Variants in SUCLG2 observed in about 807,000 individuals in gnomAD.
The protein encoded by SUCLG2 is succinate--CoA ligase [GDP-forming] subunit beta, mitochondrial.
Under a neutral mutation model 47.9 loss-of-function variants are expected in SUCLG2, and 42 were observed. That is an observed-to-expected ratio of 0.88 (90% CI 0.69 to 1.14). The LOEUF (loss-of-function observed/expected upper bound fraction) is 1.14, where lower values mean the gene tolerates loss of function less well. Ranked by LOEUF, SUCLG2 falls within the 50% of genes most tolerant of loss-of-function variation. The pLI, the probability that SUCLG2 is intolerant of heterozygous loss-of-function variation, is 0.00. For synonymous variants in SUCLG2, 195 were observed against 197.3 expected (o/e 0.99, Z 0.10); for missense variants, 571 against 525.9 (o/e 1.09, Z -0.84).
At chr3:67,367,684 T>C (rs1022458155) in intron 10 of SUCLG2, among the ~76,000 whole-genome samples, 5 of 152,186 alleles carry the variant, frequency 3.3e-5, no homozygotes, top group Admixed American at 1.3e-4. Flanking sequence ...TGTCTCCAGT[T>C]TCAACAAAGA....
chr3:67,414,014 G>A (rs1036028771), intron 9 of SUCLG2, among the ~76,000 whole-genome samples: 5 of 151,982 alleles, frequency 3.3e-5, no homozygotes, highest in African/African-American at 1.2e-4. Context: ...AAAGCTTCTT[G>A]GGTTGAAAAA....
At position 67,498,339 on chromosome 3, in the gene SUCLG2, A is replaced by C. The variant is rs775163180; in HGVS notation, c.758-44T>G. 14 of 1,595,546 alleles carry C rather than the reference A, an allele frequency of 8.8e-6. No individual in the cohort carries two copies. The Admixed American group carries it at 1.4e-4, about 15-fold the overall frequency. ...AATCATACTTGAATATCTCTTGAGG[A>C]TCTATAAATTAAGTTCTTCAGGCTG... On this transcript the variant is annotated intron_variant, in intron 7 of 10. Transcript: ENST00000307227.
chr3:67,538,614 A>C (rs1706612660), intron 2 of SUCLG2, among the ~76,000 whole-genome samples: 1 of 152,214 alleles, frequency 6.6e-6, no homozygotes, highest in Admixed American at 6.5e-5. Context: ...TGGTAGCTTC[A>C]TGGGGATAGC....
chr3:67,599,961 A>G (rs2107295223), intron 2 of SUCLG2, among the ~76,000 whole-genome samples: 1 of 152,364 alleles, frequency 6.6e-6, no homozygotes, highest in Non-Finnish European at 1.5e-5. Context: ...CCTTAGTACT[A>G]TTTATGAACA....
chr3:67,616,972 T>A (rs1700641497), intron 1 of SUCLG2, among the ~76,000 whole-genome samples: 1 of 152,238 alleles, frequency 6.6e-6, no homozygotes, highest in African/African-American at 2.4e-5. Context: ...AGATGCTTGG[T>A]GGGCTGTGGC....
At chr3:67,591,656 C>T (rs1283313004) in intron 2 of SUCLG2, among the ~76,000 whole-genome samples, 2 of 152,152 alleles carry the variant, frequency 1.3e-5, no homozygotes, top group African/African-American at 2.4e-5. Context: ...TGAGACCTCC[C>T]CAGCCATGTG....
downstream of SUCLG2, among the ~76,000 whole-genome samples, chr3:67,369,814 C>T: frequency 6.6e-6 from 1 of 152,168 alleles, no homozygotes; most frequent in South Asian, 2.1e-4. Flanking sequence ...TTTCCTGTTT[C>T]ACCTGTTCCT....
intron 9 of SUCLG2, among the ~76,000 whole-genome samples, chr3:67,482,173 A>G (rs1268964178): frequency 6.6e-6 from 1 of 152,006 alleles, no homozygotes; most frequent in Non-Finnish European, 1.5e-5. Flanking sequence ...GAGTGAGACT[A>G]TCTCAATAAG....
In SUCLG2 at chr3:67,574,257, G is replaced by T. The variant is rs558176436; in HGVS notation, c.226+35198C>A. On this transcript the variant is annotated intron_variant, in intron 2 of 10. Coordinates refer to ENST00000307227, the MANE Select transcript of SUCLG2 (RefSeq NM_003848.4). ...ATCTCTCATCTAAACGTTTATACTTGTTAAGACATCTACAAAGTCCCTTCT... is the reference window on the plus strand; with the variant it reads ...ATCTCTCATCTAAACGTTTATACTTTTTAAGACATCTACAAAGTCCCTTCT... 2.6e-5 allele frequency among the ~76,000 whole-genome samples: 4 copies of T among 152,246 alleles called. No individual in the cohort carries two copies. The South Asian group carries it at 8.3e-4, about 32-fold the overall frequency.
At chr3:67,393,275 A>T (rs1702437303) in intron 10 of SUCLG2, among the ~76,000 whole-genome samples, 2 of 152,234 alleles carry the variant, frequency 1.3e-5, no homozygotes, top group Admixed American at 6.5e-5. Flanking sequence ...AGTCAAAGAA[A>T]GGGGTGACAG....
chr3:67,576,525 T>C (rs1023500006), intron 2 of SUCLG2, among the ~76,000 whole-genome samples: 1 of 152,196 alleles, frequency 6.6e-6, no homozygotes, highest in African/African-American at 2.4e-5. Context: ...AATAGATGAA[T>C]TGAGATAAAT....
At chr3:67,529,020 C>A in intron 3 of SUCLG2, 67 bp downstream of exon 3, 1 of 1,410,634 alleles carries the variant, frequency 7.1e-7, no homozygotes, top group Non-Finnish European at 9.8e-7. Flanking sequence ...GTGTGCCTTT[C>A]AATCTTGAGC....
intron 1 of SUCLG2, among the ~76,000 whole-genome samples, chr3:67,626,207 T>C (rs917591746): frequency 1.2e-4 from 18 of 151,960 alleles, no homozygotes; most frequent in African/African-American, 4.1e-4. Context: ...TTAGCCAGGA[T>C]GGTCTTGATC....
chr3:67,649,333 T>A (rs1190030652), intron 1 of SUCLG2, among the ~76,000 whole-genome samples: 2 of 152,236 alleles, frequency 1.3e-5, no homozygotes, highest in African/African-American at 4.8e-5. Flanking sequence ...TTCTTATTCC[T>A]GTCTGCATTC....
intron 1 of SUCLG2, among the ~76,000 whole-genome samples, chr3:67,645,165 C>T (rs890635701): frequency 1.3e-5 from 2 of 152,138 alleles, no homozygotes; most frequent in African/African-American, 4.8e-5. Context: ...ATTTTTCTCT[C>T]ATCTTCCTAT....
At chr3:67,396,348 C>T (rs568870678) in intron 10 of SUCLG2, among the ~76,000 whole-genome samples, 98 of 152,010 alleles carry the variant, frequency 6.4e-4, no homozygotes, top group African/African-American at 1.9e-3. Flanking sequence ...ATATCACCAC[C>T]GATCCCACAG....
chr3:67,619,329 C>G (rs2107330515), intron 1 of SUCLG2, among the ~76,000 whole-genome samples: 1 of 152,260 alleles, frequency 6.6e-6, no homozygotes, highest in East Asian at 1.9e-4. Context: ...AAAGAAGGTT[C>G]AGAGTAACTA....
At chr3:67,630,466 A>AT (rs34665120) in intron 1 of SUCLG2, among the ~76,000 whole-genome samples, 54,521 of 152,112 alleles carry the variant, frequency 0.36, 10,014 homozygotes, top group African/African-American at 0.39. Flanking sequence ...GTAAGTACTT[A>AT]TGTGTAGGAT....
At chr3:67,433,944 A>G (rs898891828) in intron 9 of SUCLG2, among the ~76,000 whole-genome samples, 1 of 152,218 alleles carries the variant, frequency 6.6e-6, no homozygotes, top group Non-Finnish European at 1.5e-5. Flanking sequence ...TGTAGTTAAA[A>G]AAAAGCTTTC....
Sources: gnomAD v4.1 joint callset for allele counts (sites outside exome capture counted in the v4.1 genomes callset) on GRCh38, gnomAD v4.1.1 for gene constraint, MANE v1.5 for transcripts, NCBI Gene and HGNC (gene_info 2026-07-23, HGNC 2026-07-21) for gene names.